LHFPL3: variants seen among roughly 807,000 people sequenced by gnomAD.
LHFPL3 encodes the protein LHFPL tetraspan subfamily member 3, also known as LHFPL tetraspan subfamily member 3 protein.
Under a neutral mutation model 19.3 loss-of-function variants are expected in LHFPL3, and 5 were observed. The ratio of observed to expected loss-of-function variants is 0.26; its 90% confidence interval spans 0.14 to 0.54. LHFPL3 has a LOEUF of 0.54. Among genes scored for constraint, LHFPL3 ranks in the 20% least tolerant of loss-of-function variants. The pLI is 0.94. For synonymous variants in LHFPL3, 133 were observed against 126.2 expected, an observed-to-expected ratio of 1.05 and a Z score of -0.36; for missense variants, 249 against 307.4, an observed-to-expected ratio of 0.81 and a Z score of 1.42.
At chr7:104,815,269 A>G (rs1416340946) in intron 2 of LHFPL3, among the ~76,000 whole-genome samples, 1 of 152,112 alleles carries the variant, frequency 6.6e-6, no homozygotes, top group Admixed American at 6.5e-5. Flanking sequence ...TGCAGCCGGC[A>G]TGATGGCAGG....
At chr7:104,697,294 T>C (rs971506995) in intron 1 of LHFPL3, among the ~76,000 whole-genome samples, 1 of 152,216 alleles carries the variant, frequency 6.6e-6, no homozygotes, top group African/African-American at 2.4e-5. Flanking sequence ...TAGCAACTAA[T>C]AAGAGGTAAC....
intron 1 of LHFPL3, among the ~76,000 whole-genome samples, chr7:104,686,961 T>A (rs1162676071): frequency 1.3e-5 from 2 of 152,186 alleles, no homozygotes; most frequent in African/African-American, 4.8e-5. Context: ...TCACTCAGTA[T>A]CATGAGAACA....
At chr7:104,449,748 C>T (rs1792396511) in intron 1 of LHFPL3, among the ~76,000 whole-genome samples, 1 of 152,210 alleles carries the variant, frequency 6.6e-6, no homozygotes, top group South Asian at 2.1e-4. Context: ...AAGGACATCA[C>T]TCCAGGGTGC....
chr7:104,350,255 G>T (rs566415742), intron 1 of LHFPL3, among the ~76,000 whole-genome samples: 88 of 152,318 alleles, frequency 5.8e-4, no homozygotes, highest in African/African-American at 2.1e-3. Context: ...CAATTAGTCT[G>T]TGGGATGAGT....
intron 2 of LHFPL3, among the ~76,000 whole-genome samples, chr7:104,817,988 G>A (rs192143527): frequency 6.6e-6 from 1 of 152,254 alleles, no homozygotes; most frequent in East Asian, 1.9e-4. Flanking sequence ...GTGCTCCATA[G>A]GTACACGTGA....
At chr7:104,855,544 T>C (rs991953783) in intron 2 of LHFPL3, among the ~76,000 whole-genome samples, 7 of 152,212 alleles carry the variant, frequency 4.6e-5, no homozygotes, top group Non-Finnish European at 1.0e-4. Context: ...GAAACAGATA[T>C]GCTCCTAGCT....
chr7:104,780,554 G>T (rs1469710051), intron 2 of LHFPL3, among the ~76,000 whole-genome samples: 1 of 152,036 alleles, frequency 6.6e-6, no homozygotes, highest in Non-Finnish European at 1.5e-5. Flanking sequence ...AACAGACAAG[G>T]GGGGAAAAGA....
intron 1 of LHFPL3, among the ~76,000 whole-genome samples, chr7:104,457,107 C>T (rs1792557828): frequency 6.6e-6 from 1 of 151,928 alleles, no homozygotes; most frequent in South Asian, 2.1e-4. Flanking sequence ...AGCTTTTATG[C>T]CCACTACATT....
At position 104,614,650 on chromosome 7, in the gene LHFPL3, T is replaced by C. The variant is rs866977051; in HGVS notation, c.446-122025T>C. On this transcript the variant is annotated intron_variant, in intron 1 of 2. Coordinates refer to ENST00000424859, the MANE Select transcript of LHFPL3 (RefSeq NM_199000.3). Reference sequence around the variant, plus strand: ...TCTCTTCTCTTCTCTTCTCTTCTCTTCTCTCCTTCCTTCCTTCCTTCCTTC... The same window carrying C: ...TCTCTTCTCTTCTCTTCTCTTCTCTCCTCTCCTTCCTTCCTTCCTTCCTTC... Among the ~76,000 whole-genome samples the C allele has an allele frequency of 3.2e-3, 353 of 109,678 alleles. 4 individuals are homozygous for C. The highest frequency in any genetic ancestry group is 0.011 in the African/African-American group (298 of 27,270). 72.0% of individuals were successfully genotyped at this position (109,678 alleles called of 152,430 possible).
intron 1 of LHFPL3, among the ~76,000 whole-genome samples, chr7:104,378,092 GTT>G (rs931146258): frequency 2.0e-5 from 3 of 152,172 alleles, no homozygotes; most frequent in African/African-American, 7.2e-5. Flanking sequence ...AGTTTATAGA[GTT>G]TTATTTCATT....
intron 2 of LHFPL3, among the ~76,000 whole-genome samples, chr7:104,843,877 T>A (rs182247380): frequency 6.6e-6 from 1 of 152,296 alleles, no homozygotes; most frequent in Non-Finnish European, 1.5e-5. Context: ...TACATGTTTT[T>A]AAATAAGATC....
chr7:104,393,286 A>G (rs1791115557), intron 1 of LHFPL3, among the ~76,000 whole-genome samples: 1 of 152,178 alleles, frequency 6.6e-6, no homozygotes, highest in Non-Finnish European at 1.5e-5. Context: ...ACATAAAGTT[A>G]CCATATGACC....
chr7:104,573,270 G>A (rs117637257), intron 1 of LHFPL3, among the ~76,000 whole-genome samples: 4,852 of 151,996 alleles, frequency 0.032, 92 homozygotes, highest in Non-Finnish European at 0.039. Flanking sequence ...AAAATTAGCC[G>A]GCATAGTGGC....
chr7:104,785,764 C>T (rs185396483), intron 2 of LHFPL3: 2 of 152,234 alleles, frequency 1.3e-5, no homozygotes, highest in East Asian at 1.9e-4. Context: ...TCATTCTCCA[C>T]ACTAGTGTCA....
intron 2 of LHFPL3, chr7:104,786,408 T>C (rs1309846289): frequency 6.6e-6 from 1 of 152,176 alleles, no homozygotes; most frequent in Non-Finnish European, 1.5e-5. Flanking sequence ...CTGTCAAACT[T>C]TGGATGAGGT....
At chr7:104,763,591 T>C (rs1794411187) in intron 2 of LHFPL3, among the ~76,000 whole-genome samples, 1 of 151,924 alleles carries the variant, frequency 6.6e-6, no homozygotes, top group South Asian at 2.1e-4. Context: ...TTGGTGAGAG[T>C]ATGGGAGGGT....
intron 2 of LHFPL3, among the ~76,000 whole-genome samples, chr7:104,865,065 C>T (rs1193076601): frequency 6.6e-6 from 1 of 152,108 alleles, no homozygotes. Context: ...CACACAAAAA[C>T]CCCATCTGTA....
chr7:104,605,614 G>A (rs1318658628), intron 1 of LHFPL3, among the ~76,000 whole-genome samples: 1 of 152,120 alleles, frequency 6.6e-6, no homozygotes, highest in Non-Finnish European at 1.5e-5. Flanking sequence ...ACTCTGACTT[G>A]ATAAAGCCAT....
intron 2 of LHFPL3, chr7:104,895,102 C>A (rs1792328128): frequency 1.3e-5 from 2 of 152,156 alleles, no homozygotes; most frequent in Non-Finnish European, 2.9e-5. Flanking sequence ...TTAATGAAGT[C>A]CAGCCATAGG....
Sources: allele counts gnomAD v4.1 joint callset (sites outside exome capture counted in the v4.1 genomes callset), GRCh38; gene constraint gnomAD v4.1.1; transcripts MANE v1.5; gene names NCBI Gene and HGNC (gene_info 2026-07-23, HGNC 2026-07-21).